The following PIWIL2 variants were observed in gnomAD, a reference collection of about 807,000 sequenced individuals.
PIWIL2 encodes piwi like RNA-mediated gene silencing 2, also known as piwi-like protein 2.
In PIWIL2, 81 loss-of-function variants were observed where a neutral mutation model predicts 116.5. The observed-to-expected ratio is 0.70, with a 90% CI of 0.58 to 0.84. The LOEUF (loss-of-function observed/expected upper bound fraction) is 0.84. Ranked by LOEUF, PIWIL2 falls within the 40% of genes least tolerant of loss-of-function variation. PIWIL2 has a pLI of 0.00. For synonymous variants in PIWIL2, 489 were observed against 429.5 expected, an observed-to-expected ratio of 1.14 and a Z score of -1.71; for missense variants, 1,272 against 1,212.3, an observed-to-expected ratio of 1.05 and a Z score of -0.73.
intron 20 of PIWIL2, among the ~76,000 whole-genome samples, chr8:22,348,898 ATT>A (rs1563432000): frequency 6.6e-6 from 1 of 152,128 alleles, no homozygotes; most frequent in Non-Finnish European, 1.5e-5. Flanking sequence ...TTATTTTTAG[ATT>A]TTTCAGCTCC....
chr8:22,336,971 A>G (rs1227925462), intron 20 of PIWIL2, among the ~76,000 whole-genome samples: 1 of 152,220 alleles, frequency 6.6e-6, no homozygotes, highest in African/African-American at 2.4e-5. Flanking sequence ...AATGTGAACA[A>G]CTATGTACCA....
At chr8:22,335,819 A>G (rs1456570071) in intron 20 of PIWIL2, among the ~76,000 whole-genome samples, 1 of 152,142 alleles carries the variant, frequency 6.6e-6, no homozygotes, top group Non-Finnish European at 1.5e-5. Context: ...TCTGCCTCCC[A>G]AAGTGGTGGG....
Position 22,290,296 on chromosome 8 carries a change from A to T in PIWIL2, c.1131A>T (p.Leu377=). ...GGACAGATGGAGGGCTCTTCCTGCT[A>T]GCTGATGTCTCCCATAAGGTCATTC... ...IRRTDGGLFL[L]ADVSHKVIRN... Residue 377 remains leucine, a synonymous_variant, in exon 10 of 23, where the codon CTA becomes CTT. Transcript: ENST00000356766. The T allele has an allele frequency of 5.0e-6, 8 of 1,612,684 alleles. No homozygotes were observed. The highest frequency in any genetic ancestry group is 6.8e-6 in the Non-Finnish European group (8 of 1,178,756).
intron 20 of PIWIL2, among the ~76,000 whole-genome samples, chr8:22,348,628 G>T (rs377245265): frequency 6.6e-6 from 1 of 152,110 alleles, no homozygotes; most frequent in African/African-American, 2.4e-5. Context: ...AAAATTAGCC[G>T]GGCTTGATGG....
chr8:22,352,916 C>G (rs1324607255), intron 20 of PIWIL2, 43 bp from the exon 21 acceptor site: 1 of 1,580,676 alleles, frequency 6.3e-7, no homozygotes, highest in East Asian at 2.2e-5. Flanking sequence ...TGGTCCGTAG[C>G]CTGAGGGCTC....
At chr8:22,335,232 T>A (rs576996089) in intron 20 of PIWIL2, among the ~76,000 whole-genome samples, 1 of 151,948 alleles carries the variant, frequency 6.6e-6, no homozygotes, top group African/African-American at 2.4e-5. Context: ...GAAGAACAAA[T>A]AGCAAAAAGG....
At chr8:22,343,431 A>G (rs889644383) in intron 20 of PIWIL2, among the ~76,000 whole-genome samples, 1 of 150,244 alleles carries the variant, frequency 6.7e-6, no homozygotes, top group Non-Finnish European at 1.5e-5. Context: ...GCGAAACTCC[A>G]TCTCAAAAAA....
At chr8:22,298,151 G>A (rs924940699) in intron 10 of PIWIL2, among the ~76,000 whole-genome samples, 44 of 152,064 alleles carry the variant, frequency 2.9e-4, no homozygotes, top group African/African-American at 1.0e-3. Flanking sequence ...CAGCTACTCG[G>A]GAGGCCGAGG....
chr8:22,304,940 A>C (rs779445769), intron 12 of PIWIL2, 72 bp downstream of exon 12: 3 of 1,040,626 alleles, frequency 2.9e-6, no homozygotes, highest in Non-Finnish European at 4.5e-6. Flanking sequence ...AGCCGTCCTC[A>C]TGGCTTTGTG....
chr8:22,354,614 C>T (rs532759880), intron 22 of PIWIL2, among the ~76,000 whole-genome samples: 16 of 152,264 alleles, frequency 1.1e-4, no homozygotes, highest in African/African-American at 3.9e-4. Flanking sequence ...TATTCTGAGG[C>T]ATCTGTATTT....
Position 22,353,166 on chromosome 8 carries a change from C to T in PIWIL2, c.2611C>T (p.Pro871Ser). ...YLAAPQNFVT[P>S]TPGTVVDHTI... is the part of the protein sequence containing the mutation. ...GGCTGCTCCTCAGAACTTTGTAACT[C>T]CCACTCCTGGAACTGTGGTAGATCA... is the stretch of plus-strand genomic sequence containing the variant. The change falls in exon 21 of 23, where the codon CCC (proline) becomes TCC (serine). Residue 871 changes from proline (P) to serine (S), a missense_variant. Pro to Ser is a moderately conservative substitution (Grantham distance 74). Coordinates refer to ENST00000356766, the MANE Select transcript of PIWIL2 (RefSeq NM_018068.5). 3.7e-6 allele frequency: 6 copies of T among 1,613,822 alleles called. No homozygotes were observed. Among genetic ancestry groups the T allele is most frequent in the African/African-American group, 1.3e-5 (1 of 74,980 alleles).
chr8:22,320,160 G>A (rs1257295815), intron 20 of PIWIL2, among the ~76,000 whole-genome samples: 2 of 151,692 alleles, frequency 1.3e-5, no homozygotes, highest in South Asian at 2.1e-4. Flanking sequence ...ACAGGGTTTC[G>A]GCGTCTTGGC....
At chr8:22,303,386 A>G (rs1831097875) in intron 10 of PIWIL2, among the ~76,000 whole-genome samples, 2 of 152,216 alleles carry the variant, frequency 1.3e-5, no homozygotes, top group Admixed American at 6.5e-5. Context: ...ACGAAATTTT[A>G]AACAATTAAT....
At chr8:22,339,071 G>A (rs1276748983) in intron 20 of PIWIL2, among the ~76,000 whole-genome samples, 1 of 152,216 alleles carries the variant, frequency 6.6e-6, no homozygotes, top group African/African-American at 2.4e-5. Context: ...TTTGCCATTC[G>A]GTGGGGGAAA....
chr8:22,283,189 C>G lies in PIWIL2; in HGVS notation c.581C>G (p.Pro194Arg), dbSNP rs371325885. 57 of 1,613,984 alleles carry G rather than the reference C, an allele frequency of 3.5e-5. No individual in the cohort carries two copies. Among genetic ancestry groups the G allele is most frequent in the Non-Finnish European group, 4.5e-5 (53 of 1,179,998 alleles). The part of the protein sequence containing the change: ...LSSPPALPQS[P>R]LHSPDRPLVL... ...TCACCACCAGCTCTGCCCCAGTCTC[C>G]CCTGCACTCTCCAGATCGCCCTCTG... The change falls in exon 5 of 23, where the codon CCC becomes CGC. Residue 194 changes from proline (P) to arginine (R), a missense_variant. Coordinates refer to ENST00000356766, the MANE Select transcript of PIWIL2 (RefSeq NM_018068.5).
intron 1 of PIWIL2, among the ~76,000 whole-genome samples, chr8:22,277,748 G>T (rs1487230064): frequency 6.6e-6 from 1 of 152,166 alleles, no homozygotes; most frequent in Non-Finnish European, 1.5e-5. Context: ...TCAAGGAAGA[G>T]AATTTGGTGC....
intron 10 of PIWIL2, among the ~76,000 whole-genome samples, chr8:22,297,759 CA>C (rs1418565793): frequency 2.0e-5 from 3 of 152,058 alleles, no homozygotes; most frequent in Admixed American, 6.6e-5. Context: ...CATTTGGAGT[CA>C]GGGGGTTTCA....
intron 14 of PIWIL2, among the ~76,000 whole-genome samples, chr8:22,308,998 G>A (rs1417460819): frequency 6.6e-6 from 1 of 151,794 alleles, no homozygotes; most frequent in African/African-American, 2.4e-5. Flanking sequence ...TTTCATTCTT[G>A]TTGGCCAGGC....
In PIWIL2 at chr8:22,355,460, T is replaced by A; in HGVS notation, c.2877T>A (p.His959Gln). Residue 959 changes from histidine to glutamine, a missense_variant, in exon 23 of 23, where the codon CAT becomes CAA. Physicochemically the swap from His to Gln is conservative, Grantham distance 24. Coordinates refer to ENST00000356766, the MANE Select transcript of PIWIL2 (RefSeq NM_018068.5). Reference protein sequence around the residue: ...KLAFLSGHILHHEPAIQLCEN... With the variant: ...KLAFLSGHILQHEPAIQLCEN... Reference sequence around the variant, plus strand: ...CTTTCCTGTCAGGACACATCTTGCATCATGAACCAGCCATCCAGCTGTGCG... The same window carrying A: ...CTTTCCTGTCAGGACACATCTTGCAACATGAACCAGCCATCCAGCTGTGCG... 6.2e-7 allele frequency: 1 copy of A among 1,614,164 alleles called. No homozygotes were observed. The highest frequency in any genetic ancestry group is 8.5e-7 in the Non-Finnish European group (1 of 1,180,012).
Sources: gnomAD v4.1 joint callset for allele counts (sites outside exome capture counted in the v4.1 genomes callset) on GRCh38, gnomAD v4.1.1 for gene constraint, MANE v1.5 for transcripts, NCBI Gene and HGNC (gene_info 2026-07-23, HGNC 2026-07-21) for gene names.